The following PHACTR4 variants were observed in gnomAD, a reference collection of about 807,000 sequenced individuals.
The protein encoded by PHACTR4 is phosphatase and actin regulator 4.
In PHACTR4, 51 loss-of-function variants were observed where a neutral mutation model predicts 72.7. That is an observed-to-expected ratio of 0.70 (90% confidence interval 0.56 to 0.89). The LOEUF (loss-of-function observed/expected upper bound fraction) is 0.89, where lower values mean the gene tolerates loss of function less well. Ranked by LOEUF, PHACTR4 falls within the 40% of genes least tolerant of loss-of-function variation. The probability of loss-of-function intolerance (pLI) is 0.00; values close to 1 mark genes in which losing one functional copy is unlikely to be tolerated. For missense variants in PHACTR4, 731 were observed against 861.8 expected (o/e 0.85, Z 1.90); for synonymous variants, 255 against 302.5 (o/e 0.84, Z 1.63).
intron 1 of PHACTR4, among the ~76,000 whole-genome samples, chr1:28,370,680 T>C (rs1320140802): frequency 2.6e-5 from 4 of 151,966 alleles, no homozygotes; most frequent in Non-Finnish European, 5.9e-5. Context: ...CTCTTCCTTT[T>C]CTTGTTCTTT....
chr1:28,390,168 T>C (rs10751728), intron 1 of PHACTR4, among the ~76,000 whole-genome samples: 57,024 of 151,956 alleles, frequency 0.38, 12,044 homozygotes, highest in African/African-American at 0.57. Context: ...CAGGGTTTTT[T>C]GCTGCTGTGT....
At chr1:28,371,911 G>C (rs1017757047) in intron 1 of PHACTR4, among the ~76,000 whole-genome samples, 1 of 151,778 alleles carries the variant, frequency 6.6e-6, no homozygotes, top group Non-Finnish European at 1.5e-5. Context: ...TTGAGATAGA[G>C]TCTTGCTCTG....
At chr1:28,467,379 TTGTGTGTGTG>T (rs67853567) in intron 6 of PHACTR4, 37,770 of 146,582 alleles carry the variant, frequency 0.26, 4,794 homozygotes, top group Middle Eastern at 0.33. Context: ...CTATACATAT[TTGTGTGTGTG>T]TGTGTGTGTG....
At chr1:28,486,738 A>C (rs2124542771) in intron 9 of PHACTR4, among the ~76,000 whole-genome samples, 1 of 152,160 alleles carries the variant, frequency 6.6e-6, no homozygotes, top group East Asian at 1.9e-4. Context: ...GCATGCCTGT[A>C]GTCTCAGCTA....
intron 2 of PHACTR4, among the ~76,000 whole-genome samples, chr1:28,434,660 G>A (rs1251954212): frequency 2.0e-5 from 3 of 151,940 alleles, no homozygotes; most frequent in East Asian, 1.9e-4. Flanking sequence ...TCACAATATC[G>A]TAGAATCAGC....
chr1:28,417,945 CTA>C (rs1255013456), intron 2 of PHACTR4, among the ~76,000 whole-genome samples: 2 of 118,800 alleles, frequency 1.7e-5, no homozygotes, highest in Non-Finnish European at 3.5e-5. Flanking sequence ...TTGGGAGACC[CTA>C]CAAAAAAAAA....
chr1:28,494,895 C>CA (rs779320301), intron 13 of PHACTR4, among the ~76,000 whole-genome samples: 1 of 152,000 alleles, frequency 6.6e-6, no homozygotes, highest in Non-Finnish European at 1.5e-5. Context: ...ATGCAAACAA[C>CA]AAAGATGATA....
At chr1:28,408,968 C>T (rs1037517955) in intron 2 of PHACTR4, among the ~76,000 whole-genome samples, 1 of 151,906 alleles carries the variant, frequency 6.6e-6, no homozygotes, top group African/African-American at 2.4e-5. Context: ...GCGTGAGCCA[C>T]TGCACCCAGC....
At chr1:28,418,963 AAGG>A (rs749903073) in intron 2 of PHACTR4, among the ~76,000 whole-genome samples, 21 of 149,434 alleles carry the variant, frequency 1.4e-4, no homozygotes, top group African/African-American at 4.8e-4. Context: ...AAAATAAAAA[AAGG>A]AGAAAAATTT....
intron 2 of PHACTR4, among the ~76,000 whole-genome samples, chr1:28,449,321 C>A (rs958636368): frequency 6.6e-6 from 1 of 151,786 alleles, no homozygotes; most frequent in African/African-American, 2.4e-5. Flanking sequence ...GGTAACATAC[C>A]CCATATCTAA....
At chr1:28,470,749 T>G (rs1203494817) in intron 6 of PHACTR4, among the ~76,000 whole-genome samples, 1 of 151,292 alleles carries the variant, frequency 6.6e-6, no homozygotes, top group Non-Finnish European at 1.5e-5. Context: ...AGAGGCTGGG[T>G]GTGGTGGCTC....
chr1:28,374,858 T>G (rs1651518281), intron 1 of PHACTR4, among the ~76,000 whole-genome samples: 1 of 152,214 alleles, frequency 6.6e-6, no homozygotes, highest in African/African-American at 2.4e-5. Context: ...CAACTCAACC[T>G]CTTTGAGCTT....
chr1:28,463,968 C>G (rs1227763245), intron 4 of PHACTR4, among the ~76,000 whole-genome samples: 2 of 151,828 alleles, frequency 1.3e-5, no homozygotes, highest in Admixed American at 6.6e-5. Flanking sequence ...TTGGGCTCAA[C>G]GATCCTCCCG....
At chr1:28,480,722 G>C (rs1660227929) in intron 9 of PHACTR4, 118 bp downstream of exon 9, 1 of 1,343,490 alleles carries the variant, frequency 7.4e-7, no homozygotes, top group Non-Finnish European at 1.0e-6. Context: ...ACAGGGTCTT[G>C]CTCTGTCACC....
chr1:28,384,128 T>C (rs1472968088), intron 1 of PHACTR4, among the ~76,000 whole-genome samples: 1 of 152,192 alleles, frequency 6.6e-6, no homozygotes, highest in East Asian at 1.9e-4. Flanking sequence ...TTTTCTTTTT[T>C]TTGTTGTGTC....
chr1:28,373,107 A>G (rs1452596357), intron 1 of PHACTR4, among the ~76,000 whole-genome samples: 2 of 151,782 alleles, frequency 1.3e-5, no homozygotes, highest in African/African-American at 2.4e-5. Context: ...ACAGGTGCAC[A>G]CTACCACACT....
intron 2 of PHACTR4, among the ~76,000 whole-genome samples, chr1:28,432,131 C>A (rs1569930811): frequency 6.6e-6 from 1 of 152,118 alleles, no homozygotes; most frequent in East Asian, 1.9e-4. Context: ...ATCACTTGAA[C>A]CCAGGAGGTG....
chr1:28,443,273 C>CCTTCTTTCTTTCTT (rs373305473), intron 2 of PHACTR4, among the ~76,000 whole-genome samples: 2 of 65,224 alleles, frequency 3.1e-5, no homozygotes, highest in African/African-American at 6.0e-5. Context: ...GTCTTTCTTT[C>CCTTCTTTCTTTCTT]TCTCTCTCTC....
intron 1 of PHACTR4, among the ~76,000 whole-genome samples, chr1:28,378,579 C>CT (rs1557773124): frequency 5.1e-4 from 70 of 137,134 alleles, no homozygotes; most frequent in African/African-American, 1.7e-3. Context: ...GCCCCCCCCC[C>CT]CTTTTTTTTT....
Sources: allele counts gnomAD v4.1 joint callset (sites outside exome capture counted in the v4.1 genomes callset), GRCh38; gene constraint gnomAD v4.1.1; transcripts MANE v1.5; gene names NCBI Gene and HGNC (gene_info 2026-07-23, HGNC 2026-07-21).